Variants in CHRDL2 observed in about 807,000 individuals in gnomAD.
CHRDL2 encodes the protein chordin-like protein 2.
A neutral mutation model predicts 54.3 loss-of-function variants in CHRDL2; 41 were observed. The observed-to-expected ratio is 0.76, with a 90% CI of 0.59 to 0.98. The LOEUF is 0.98. CHRDL2 is among the 50% of genes least tolerant of loss of function. CHRDL2 has a pLI of 0.00. For synonymous variants in CHRDL2, 220 were observed against 224.3 expected, an observed-to-expected ratio of 0.98 and a Z score of 0.17; for missense variants, 518 against 562.4, an observed-to-expected ratio of 0.92 and a Z score of 0.80.
chr11:74,717,751 T>C lies in CHRDL2; in HGVS notation c.195+969A>G, dbSNP rs575480316. On this transcript the variant is annotated intron_variant, in intron 2 of 10. Transcript: ENST00000376332. ...AGGCCTTCTGCATTCCTCTCTTGGC[T>C]CTGTGCAGGGAAAGAGTGGGGCTGG... 2.8e-3 allele frequency among the ~76,000 whole-genome samples: 433 copies of C among 152,292 alleles called. 2 individuals are homozygous for C. The highest frequency in any genetic ancestry group is 9.9e-3 in the African/African-American group (411 of 41,568).
intron 1 of CHRDL2, among the ~76,000 whole-genome samples, chr11:74,724,765 C>A: frequency 6.6e-6 from 1 of 152,224 alleles, no homozygotes; most frequent in South Asian, 2.1e-4. Flanking sequence ...CATTACAATT[C>A]TCATCACAAA....
At position 74,724,274 on chromosome 11, in the gene CHRDL2, TTC is replaced by T. The variant is rs144392413; in HGVS notation, c.83-5444_83-5443del. 2.8e-3 allele frequency among the ~76,000 whole-genome samples: 421 copies of T among 152,370 alleles called. 1 individual carries two copies. The highest frequency in any genetic ancestry group is 9.8e-3 in the African/African-American group (407 of 41,586). On this transcript the variant is annotated intron_variant, in intron 1 of 10. Transcript: ENST00000376332. ...TGTGGTTCATGAAGGACACAGAGGC[TTC>T]TCTTTGGCATATCCAAAGTGCTAGA...
chr11:74,715,717 A>G (rs1306164247), intron 2 of CHRDL2, among the ~76,000 whole-genome samples: 2 of 145,868 alleles, frequency 1.4e-5, no homozygotes, highest in East Asian at 2.1e-4. Flanking sequence ...GGTGGCTCAC[A>G]CCTGTAATCC....
rs557134559 is a variant in CHRDL2 at position 74,710,060 on chromosome 11, CA to C, written c.432+788del. ...TGAAACCCCGACTCTACTAAAAATACAAAAAATTAGCTGGGCGTGGTGGTGG... is the reference window on the plus strand; with the variant it reads ...TGAAACCCCGACTCTACTAAAAATACAAAAATTAGCTGGGCGTGGTGGTGG... On this transcript the variant is annotated intron_variant, in intron 4 of 10. Transcript: ENST00000376332. Among the ~76,000 whole-genome samples the C allele has an allele frequency of 3.1e-3, 478 of 151,988 alleles. 1 individual carries two copies. Among genetic ancestry groups the C allele is most frequent in the African/African-American group, 0.011 (457 of 41,464 alleles).
At chr11:74,724,738 G>C (rs2034545914) in intron 1 of CHRDL2, among the ~76,000 whole-genome samples, 1 of 152,208 alleles carries the variant, frequency 6.6e-6, no homozygotes, top group Admixed American at 6.5e-5. Context: ...CTTTCCTGCA[G>C]AACTGAGTTC....
At chr11:74,702,570 G>A (rs1443230296) in intron 9 of CHRDL2, among the ~76,000 whole-genome samples, 2 of 152,172 alleles carry the variant, frequency 1.3e-5, no homozygotes, top group Non-Finnish European at 2.9e-5. Context: ...CCAGGAGAGG[G>A]AGCACTATCG....
chr11:74,701,489 C>T, intron 9 of CHRDL2: 2 of 646,806 alleles, frequency 3.1e-6, no homozygotes, highest in South Asian at 3.5e-5. Flanking sequence ...AACAGCTCCA[C>T]TTTCTTCGTC....
At chr11:74,719,564 C>G (rs1224090463) in intron 1 of CHRDL2, among the ~76,000 whole-genome samples, 1 of 152,166 alleles carries the variant, frequency 6.6e-6, no homozygotes, top group Non-Finnish European at 1.5e-5. Context: ...TGCTTTCACA[C>G]TGTACTATGT....
chr11:74,724,826 CCTT>C (rs1359727587), intron 1 of CHRDL2, among the ~76,000 whole-genome samples: 1 of 152,166 alleles, frequency 6.6e-6, no homozygotes, highest in Admixed American at 6.5e-5. Flanking sequence ...CAAACTGGGA[CCTT>C]CTTGAGAGCA....
intron 1 of CHRDL2, among the ~76,000 whole-genome samples, chr11:74,723,537 T>C (rs985252127): frequency 5.9e-5 from 9 of 152,228 alleles, no homozygotes; most frequent in African/African-American, 2.2e-4. Context: ...ACTTTTACCT[T>C]TTTACTTAAA....
At chr11:74,722,552 A>T (rs112325816) in intron 1 of CHRDL2, among the ~76,000 whole-genome samples, 3 of 114,822 alleles carry the variant, frequency 2.6e-5, no homozygotes, top group Admixed American at 1.6e-4. Flanking sequence ...AAATAGGTTT[A>T]AAAAAAAACA....
chr11:74,699,330 G>C (rs1241437702), intron 9 of CHRDL2: 1 of 152,320 alleles, frequency 6.6e-6, no homozygotes, highest in African/African-American at 2.4e-5. Context: ...CTAGCCTGAG[G>C]GTCATGGTTG....
At chr11:74,712,864 T>C (rs1360277125) in intron 3 of CHRDL2, among the ~76,000 whole-genome samples, 1 of 152,188 alleles carries the variant, frequency 6.6e-6, no homozygotes, top group Non-Finnish European at 1.5e-5. Flanking sequence ...TCAGAGGCTC[T>C]TAGAATCTTA....
At chr11:74,726,648 A>G (rs768087835) in intron 1 of CHRDL2, among the ~76,000 whole-genome samples, 3 of 152,144 alleles carry the variant, frequency 2.0e-5, no homozygotes, top group Non-Finnish European at 4.4e-5. Context: ...GGCTGGGGGA[A>G]CTTGAGAGGC....
intron 2 of CHRDL2, among the ~76,000 whole-genome samples, chr11:74,716,702 C>T (rs1442003413): frequency 6.6e-6 from 1 of 150,598 alleles, no homozygotes; most frequent in African/African-American, 2.4e-5. Flanking sequence ...CAGAACATGA[C>T]AATCAGCACA....
At chr11:74,714,129 G>A (rs1261981585) in intron 2 of CHRDL2, among the ~76,000 whole-genome samples, 3 of 152,090 alleles carry the variant, frequency 2.0e-5, no homozygotes, top group Admixed American at 2.0e-4. Context: ...CCCTCGTGGG[G>A]GTCTTCCCAG....
chr11:74,709,689 C>G (rs539310139), intron 4 of CHRDL2, among the ~76,000 whole-genome samples: 1 of 152,188 alleles, frequency 6.6e-6, no homozygotes, highest in Non-Finnish European at 1.5e-5. Context: ...GATAGGGAGG[C>G]AGGCCCAAAA....
intron 3 of CHRDL2, among the ~76,000 whole-genome samples, chr11:74,712,030 T>A (rs1406036937): frequency 2.0e-5 from 3 of 152,072 alleles, no homozygotes; most frequent in African/African-American, 7.2e-5. Flanking sequence ...CAGGATGGTC[T>A]CAATCTCTTG....
intron 2 of CHRDL2, among the ~76,000 whole-genome samples, chr11:74,715,130 G>A (rs960380533): frequency 3.3e-5 from 5 of 152,196 alleles, no homozygotes; most frequent in African/African-American, 7.2e-5. Flanking sequence ...ACCAGGGCCC[G>A]TGTACTTTCC....
Sources: allele counts gnomAD v4.1 joint callset (sites outside exome capture counted in the v4.1 genomes callset), GRCh38; gene constraint gnomAD v4.1.1; transcripts MANE v1.5; gene names NCBI Gene and HGNC (gene_info 2026-07-23, HGNC 2026-07-21).